FBXW7: variants seen among roughly 807,000 people sequenced by gnomAD.
The protein encoded by FBXW7 is F-box/WD repeat-containing protein 7.
A neutral mutation model predicts 86.3 loss-of-function variants in FBXW7; 11 were observed. The ratio of observed to expected loss-of-function variants is 0.13; its 90% CI spans 0.08 to 0.21. The LOEUF is 0.21. Among genes scored for constraint, FBXW7 ranks in the 10% least tolerant of loss-of-function variants. FBXW7 has a pLI of 1.00. For synonymous variants in FBXW7, 313 were observed against 297.9 expected, an observed-to-expected ratio of 1.05 and a Z score of -0.52; for missense variants, 488 against 847.4, an observed-to-expected ratio of 0.58 and a Z score of 5.27.
chr4:152,439,309 A>G (rs551349123), intron 2 of FBXW7, among the ~76,000 whole-genome samples: 1 of 152,256 alleles, frequency 6.6e-6, no homozygotes, highest in South Asian at 2.1e-4. Context: ...TCACAATTTC[A>G]TCATAAGTAG....
chr4:152,492,014 G>A (rs745573495), intron 2 of FBXW7, among the ~76,000 whole-genome samples: 20 of 152,098 alleles, frequency 1.3e-4, no homozygotes, highest in Non-Finnish European at 2.5e-4. Flanking sequence ...ATCACTTCAA[G>A]AAGGCCCCTT....
At chr4:152,356,984 G>A (rs1383099096) in intron 4 of FBXW7, among the ~76,000 whole-genome samples, 2 of 152,116 alleles carry the variant, frequency 1.3e-5, no homozygotes, top group Non-Finnish European at 2.9e-5. Flanking sequence ...CAAGAGCATA[G>A]TGTAACGTAA....
intron 6 of FBXW7, among the ~76,000 whole-genome samples, chr4:152,342,025 C>T (rs1421963727): frequency 2.0e-5 from 3 of 151,662 alleles, no homozygotes; most frequent in Non-Finnish European, 4.4e-5. Flanking sequence ...TTTACTGCTA[C>T]TTGAAAAGTG....
chr4:152,411,700 C>T lies in FBXW7; in HGVS notation c.104G>A (p.Arg35His), dbSNP rs199629238. 1.7e-5 allele frequency: 28 copies of T among 1,613,822 alleles called. No homozygotes were observed. The African/African-American group carries it at 2.1e-4, about 12-fold the overall frequency. ...CTGTTGCTGTTCCTCCTCTACCACA[C>T]GATTCATCTGTTCTTCATCTACCTG... is the stretch of plus-strand genomic sequence containing the variant. Reference protein sequence around the residue: ...SSQVDEEQMNRVVEEEQQQQL... With the variant: ...SSQVDEEQMNHVVEEEQQQQL... The change falls in exon 4 of 14, where the codon CGT becomes CAT. Residue 35 changes from arginine to histidine, a missense_variant. Physicochemically the swap from Arg to His is conservative, Grantham distance 29 (BLOSUM62 0). Transcript: ENST00000281708.
At chr4:152,331,695 T>G (rs1729579310) in intron 8 of FBXW7, among the ~76,000 whole-genome samples, 1 of 152,072 alleles carries the variant, frequency 6.6e-6, no homozygotes, top group African/African-American at 2.4e-5. Context: ...TTAATGCCAC[T>G]GAACTGTACA....
intron 4 of FBXW7, among the ~76,000 whole-genome samples, chr4:152,386,280 T>A (rs544520893): frequency 6.6e-6 from 1 of 152,198 alleles, no homozygotes; most frequent in East Asian, 1.9e-4. Context: ...AGAACCAAAC[T>A]AACTTAGTCC....
chr4:152,325,751 G>A (rs2126489365), intron 12 of FBXW7: 1 of 408,466 alleles, frequency 2.4e-6, no homozygotes, highest in Non-Finnish European at 4.4e-6. Context: ...GCAAAACTTA[G>A]AGCCCCAAAG....
intron 2 of FBXW7, among the ~76,000 whole-genome samples, chr4:152,468,189 T>C (rs1188466256): frequency 6.6e-6 from 1 of 152,166 alleles, no homozygotes; most frequent in East Asian, 1.9e-4. Context: ...TCATACATTG[T>C]TGGTGGTATT....
rs769582024 is a variant in FBXW7, at chr4:152,347,063, C to G, written c.593G>C (p.Gly198Ala). The change falls in exon 6 of 14, where the codon GGG (glycine) becomes GCG (alanine). Residue 198 changes from glycine (G) to alanine (A), a missense_variant. By Grantham distance (60) the Gly-to-Ala change is moderately conservative (BLOSUM62 0). Transcript: ENST00000281708. ...TGGTGTTGCTGAACATGGTACAAGC[C>G]CAGTGGTACTACAAAAAAAAAAAAA... is the stretch of plus-strand genomic sequence containing the variant. ...CKVSEYTSTT[G>A]LVPCSATPTT... The G allele has an allele frequency of 3.2e-6, 5 of 1,586,900 alleles. No individual in the cohort carries two copies. The highest frequency in any genetic ancestry group is 4.3e-6 in the Non-Finnish European group (5 of 1,171,872).
intron 4 of FBXW7, among the ~76,000 whole-genome samples, chr4:152,377,481 G>A (rs1192006570): frequency 2.6e-5 from 4 of 151,900 alleles, no homozygotes; most frequent in African/African-American, 4.8e-5. Context: ...GGCCAGGCAC[G>A]GTGGCTCTGC....
At chr4:152,454,094 G>T (rs1000744277) in intron 2 of FBXW7, among the ~76,000 whole-genome samples, 1 of 151,780 alleles carries the variant, frequency 6.6e-6, no homozygotes, top group Non-Finnish European at 1.5e-5. Flanking sequence ...ATATTTCCAC[G>T]ATATTAAGTA....
intron 2 of FBXW7, among the ~76,000 whole-genome samples, chr4:152,491,087 A>G (rs777077785): frequency 6.0e-4 from 91 of 152,276 alleles, no homozygotes; most frequent in South Asian, 1.0e-3. Context: ...TTGAGAACCA[A>G]CTGACAGGAC....
chr4:152,341,399 T>C (rs1265747737), intron 6 of FBXW7, among the ~76,000 whole-genome samples: 1 of 152,208 alleles, frequency 6.6e-6, no homozygotes, highest in Admixed American at 6.5e-5. Flanking sequence ...GCTTCCTTAC[T>C]TCCTTCCCTG....
intron 2 of FBXW7, among the ~76,000 whole-genome samples, chr4:152,457,645 A>T (rs1415697275): frequency 8.2e-6 from 1 of 122,366 alleles, no homozygotes; most frequent in Non-Finnish European, 1.7e-5. Flanking sequence ...CTCTGTCTCA[A>T]AAAAAAAAAA....
intron 4 of FBXW7, among the ~76,000 whole-genome samples, chr4:152,402,174 A>T (rs758046109): frequency 1.3e-5 from 2 of 152,178 alleles, no homozygotes; most frequent in Non-Finnish European, 2.9e-5. Context: ...AAGAATCAGG[A>T]ATATAAAAGA....
intron 2 of FBXW7, among the ~76,000 whole-genome samples, chr4:152,496,404 G>C (rs1746342986): frequency 6.6e-6 from 1 of 151,256 alleles, no homozygotes; most frequent in African/African-American, 2.4e-5. Context: ...GAAAAAAATG[G>C]AACTGGGCCA....
chr4:152,502,477 G>A (rs918205565), intron 2 of FBXW7, among the ~76,000 whole-genome samples: 3 of 151,986 alleles, frequency 2.0e-5, no homozygotes, highest in East Asian at 1.9e-4. Context: ...ACTTAAATAC[G>A]TTTTTCACAA....
rs1044477755 is a variant in FBXW7 at position 152,500,910 on chromosome 4, T to C, written c.-120+34031A>G. Among the ~76,000 whole-genome samples, 5 of 152,246 alleles carry C rather than the reference T, an allele frequency of 3.3e-5. No individual in the cohort carries two copies. The South Asian group carries it at 6.2e-4, about 19-fold the overall frequency. ...TAAGATTTCTTCTATTTGGTTTTGT[T>C]ACCATGCATTTGATTAATATTAATT... On this transcript the variant is annotated intron_variant, in intron 2 of 13. Coordinates refer to ENST00000281708, the MANE Select transcript of FBXW7 (RefSeq NM_001349798.2).
chr4:152,395,438 C>A (rs1736338033), intron 4 of FBXW7, among the ~76,000 whole-genome samples: 1 of 151,956 alleles, frequency 6.6e-6, no homozygotes, highest in African/African-American at 2.4e-5. Context: ...CCAGTATTGT[C>A]CCTGGTTCTG....
Sources: gnomAD v4.1 joint callset for allele counts (sites outside exome capture counted in the v4.1 genomes callset) on GRCh38, gnomAD v4.1.1 for gene constraint, MANE v1.5 for transcripts, NCBI Gene and HGNC (gene_info 2026-07-23, HGNC 2026-07-21) for gene names.